Variants in CLVS1 observed in about 807,000 individuals in gnomAD.
The protein encoded by CLVS1 is clavesin 1, also known as clavesin-1.
CLVS1 carries 10 observed loss-of-function variants against 33.1 expected under a neutral mutation model. The observed-to-expected ratio is 0.30, with a 90% CI of 0.19 to 0.51. The LOEUF is 0.51. Ranked by LOEUF, CLVS1 falls within the 20% of genes least tolerant of loss-of-function variation. CLVS1 has a pLI of 0.97. For missense variants in CLVS1, 343 were observed against 433.4 expected (o/e 0.79, Z 1.85); for synonymous variants, 163 against 166.1 (o/e 0.98, Z 0.14).
the CLVS1 span, among the ~76,000 whole-genome samples, chr8:61,010,369 T>C: frequency 1.3e-5 from 2 of 152,224 alleles, no homozygotes; most frequent in South Asian, 2.1e-4. Flanking sequence ...CCGGATGCAT[T>C]AGAATTTCAC....
intron 1 of CLVS1, among the ~76,000 whole-genome samples, chr8:61,093,504 T>A (rs1198040027): frequency 8.5e-5 from 13 of 152,188 alleles, no homozygotes; most frequent in Admixed American, 7.9e-4. Context: ...ACCCCAAAAG[T>A]CATTTTCCTG....
chr8:61,384,468 G>A (rs896356936), intron 3 of CLVS1, among the ~76,000 whole-genome samples: 1 of 152,158 alleles, frequency 6.6e-6, no homozygotes, highest in African/African-American at 2.4e-5. Flanking sequence ...TAACCACATA[G>A]GAAGAAAGAT....
chr8:61,294,656 C>A (rs1176938284), intron 1 of CLVS1, among the ~76,000 whole-genome samples: 1 of 152,096 alleles, frequency 6.6e-6, no homozygotes, highest in Non-Finnish European at 1.5e-5. Flanking sequence ...ATATAAAATG[C>A]TTTGAAATAC....
chr8:61,362,115 C>G (rs184545277), intron 2 of CLVS1, among the ~76,000 whole-genome samples: 1 of 152,122 alleles, frequency 6.6e-6, no homozygotes, highest in Non-Finnish European at 1.5e-5. Flanking sequence ...GCTGAGAACA[C>G]GGGCCAAGCA....
At chr8:61,320,899 T>G (rs1300276094) in intron 2 of CLVS1, among the ~76,000 whole-genome samples, 1 of 152,208 alleles carries the variant, frequency 6.6e-6, no homozygotes, top group Admixed American at 6.5e-5. Flanking sequence ...ACTGTTTCCC[T>G]TTATACTAGT....
chr8:61,130,240 A>AAAATT (rs1806065230), intron 1 of CLVS1, among the ~76,000 whole-genome samples: 1 of 140,046 alleles, frequency 7.1e-6, no homozygotes, highest in Non-Finnish European at 1.5e-5. Flanking sequence ...TCTGTCTCAA[A>AAAATT]AAATAAATAA....
intron 2 of CLVS1, among the ~76,000 whole-genome samples, chr8:61,346,637 A>G (rs1812228724): frequency 6.6e-6 from 1 of 152,080 alleles, no homozygotes; most frequent in South Asian, 2.1e-4. Context: ...CTCCTTGTAA[A>G]CTAGTTTTGA....
chr8:61,117,800 C>T (rs1229310463), intron 1 of CLVS1, among the ~76,000 whole-genome samples: 6 of 152,134 alleles, frequency 3.9e-5, no homozygotes, highest in Admixed American at 3.9e-4. Context: ...ATTTTTGCAT[C>T]AATGTTCATC....
chr8:61,413,883 A>C (rs912070458), intron 3 of CLVS1, among the ~76,000 whole-genome samples: 1 of 152,260 alleles, frequency 6.6e-6, no homozygotes, highest in African/African-American at 2.4e-5. Context: ...GCTAATGCAC[A>C]GGTGCCTCCT....
rs145064946 is a variant in CLVS1, at chr8:61,068,720, G to A, written c.-243+11490G>A. Among the ~76,000 whole-genome samples the A allele has an allele frequency of 4.6e-3, 696 of 152,268 alleles. 2 individuals carry two copies. Among genetic ancestry groups the A allele is most frequent in the Middle Eastern group, 0.01 (3 of 294 alleles). On this transcript the variant is annotated intron_variant, in intron 1 of 2. Coordinates refer to the CLVS1 transcript ENST00000522621. ...GCAAGCCAGGCCTCCAGCCAGGGGA[G>A]ATAAGGTGGCCTCCTTGCCACACTT...
At chr8:61,347,654 A>G (rs1193752892) in intron 2 of CLVS1, among the ~76,000 whole-genome samples, 2 of 114,000 alleles carry the variant, frequency 1.8e-5, no homozygotes, top group Non-Finnish European at 1.8e-5. Context: ...ATATATATAT[A>G]TATATATATA....
chr8:61,416,952 G>C (rs1815461720), intron 3 of CLVS1, among the ~76,000 whole-genome samples: 2 of 152,192 alleles, frequency 1.3e-5, no homozygotes, highest in African/African-American at 4.8e-5. Flanking sequence ...GCGTGAAGTT[G>C]ATTCTTAAGA....
chr8:61,254,446 C>CTG (rs1809027608), intron 2 of CLVS1, among the ~76,000 whole-genome samples: 1 of 152,202 alleles, frequency 6.6e-6, no homozygotes, highest in Non-Finnish European at 1.5e-5. Context: ...CTCTTCAAAG[C>CTG]TGTCAGACAG....
chr8:61,264,611 T>G (rs574586764), intron 2 of CLVS1: 1 of 152,202 alleles, frequency 6.6e-6, no homozygotes, highest in Non-Finnish European at 1.5e-5. Flanking sequence ...TTCAAAGATT[T>G]TTTGAATTGC....
chr8:61,126,162 C>A (rs1379500470), intron 1 of CLVS1, among the ~76,000 whole-genome samples: 2 of 152,150 alleles, frequency 1.3e-5, no homozygotes, highest in Non-Finnish European at 2.9e-5. Context: ...TCTCTCTTCT[C>A]TTTACACACA....
chr8:61,213,451 A>G (rs1480695221), intron 2 of CLVS1, among the ~76,000 whole-genome samples: 3 of 136,552 alleles, frequency 2.2e-5, no homozygotes, highest in South Asian at 2.4e-4. Flanking sequence ...AGGGACCCCA[A>G]ATGGAGGGAC....
intron 2 of CLVS1, among the ~76,000 whole-genome samples, chr8:61,166,887 T>C (rs1165198841): frequency 6.6e-6 from 1 of 150,652 alleles, no homozygotes; most frequent in Non-Finnish European, 1.5e-5. Context: ...TTTTCTTTTT[T>C]TTCTTTTTTC....
chr8:61,114,448 T>C (rs1805682063), intron 1 of CLVS1, among the ~76,000 whole-genome samples: 2 of 152,238 alleles, frequency 1.3e-5, no homozygotes, highest in African/African-American at 4.8e-5. Context: ...ACAGAAACGA[T>C]GTAATGAAAG....
intron 2 of CLVS1, among the ~76,000 whole-genome samples, chr8:61,327,300 G>A (rs1811420696): frequency 6.6e-6 from 1 of 152,106 alleles, no homozygotes; most frequent in Non-Finnish European, 1.5e-5. Flanking sequence ...AACACCTATA[G>A]ATATTGACAT....
Sources: allele counts gnomAD v4.1 joint callset (sites outside exome capture counted in the v4.1 genomes callset), GRCh38; gene constraint gnomAD v4.1.1; transcripts MANE v1.5; gene names NCBI Gene and HGNC (gene_info 2026-07-23, HGNC 2026-07-21).